The following MYO16 variants were observed in gnomAD, a reference collection of about 807,000 sequenced individuals.
The protein encoded by MYO16 is unconventional myosin-XVI.
MYO16 carries 94 observed loss-of-function variants against 205.3 expected under a neutral mutation model. The ratio of observed to expected loss-of-function variants is 0.46; its 90% CI spans 0.39 to 0.54. The LOEUF is 0.54. Ranked by LOEUF, MYO16 falls within the 20% of genes least tolerant of loss-of-function variation. MYO16 has a pLI of 0.00. For missense variants in MYO16, 2,315 were observed against 2,387.5 expected (o/e 0.97, Z 0.63); for synonymous variants, 988 against 954.0 (o/e 1.04, Z -0.66).
rs9559402 is a variant in MYO16 at position 108,757,748 on chromosome 13, C to G, written c.508-27887C>G. 4.1e-3 allele frequency among the ~76,000 whole-genome samples: 627 copies of G among 152,008 alleles called. 2 individuals are homozygous for G. The highest frequency in any genetic ancestry group is 6.8e-3 in the Non-Finnish European group (464 of 67,996). On this transcript the variant is annotated intron_variant, in intron 4 of 34. Transcript: ENST00000457511. ...TGCGGTGTTTGGTTTTTTGTCCTTG[C>G]GACAGTTTGCTGAGCTAGTTTTAAA...
intron 11 of MYO16, among the ~76,000 whole-genome samples, chr13:108,856,476 T>A (rs767444974): frequency 2.0e-5 from 3 of 152,272 alleles, no homozygotes. Flanking sequence ...CCTGCCACTG[T>A]AAATACACTT....
At chr13:108,571,291 G>A in the MYO16 span, among the ~76,000 whole-genome samples, 1 of 149,698 alleles carries the variant, frequency 6.7e-6, no homozygotes, top group Non-Finnish European at 1.5e-5. Flanking sequence ...CTGAGGATTA[G>A]CCCTGGGATG....
chr13:108,498,295 G>A, the MYO16 span, among the ~76,000 whole-genome samples: 1 of 152,236 alleles, frequency 6.6e-6, no homozygotes, highest in South Asian at 2.1e-4. Context: ...AAGTGAAGGC[G>A]AAGAGGTCCA....
At chr13:108,636,184 G>T in intron 1 of MYO16, among the ~76,000 whole-genome samples, 1 of 152,000 alleles carries the variant, frequency 6.6e-6, no homozygotes, top group East Asian at 1.9e-4. Context: ...TTAGTTTAAG[G>T]TTACACTGTA....
chr13:109,116,401 A>C (rs1015250258), intron 28 of MYO16, among the ~76,000 whole-genome samples: 2 of 151,952 alleles, frequency 1.3e-5, no homozygotes, highest in Non-Finnish European at 2.9e-5. Context: ...ACCATTGCGC[A>C]TGTCTGCCTT....
At chr13:109,172,583 T>C (rs1032087322) in intron 33 of MYO16, among the ~76,000 whole-genome samples, 2 of 152,220 alleles carry the variant, frequency 1.3e-5, no homozygotes, top group Non-Finnish European at 2.9e-5. Context: ...AGCTCACCTC[T>C]GATGCTTATT....
At chr13:108,889,188 A>G (rs779088500) in intron 14 of MYO16, among the ~76,000 whole-genome samples, 19 of 152,332 alleles carry the variant, frequency 1.2e-4, no homozygotes, top group East Asian at 3.9e-4. Context: ...AGAATTGGCA[A>G]TAGTTATCCT....
intron 20 of MYO16, among the ~76,000 whole-genome samples, chr13:108,972,330 C>CTATATATA (rs1355313392): frequency 1.5e-4 from 1 of 6,592 alleles, no homozygotes; most frequent in African/African-American, 3.0e-4. Flanking sequence ...ATATAGCCAT[C>CTATATATA]TATATATATA....
In MYO16 at chr13:108,883,323, C is replaced by T. The variant is rs1037576072; in HGVS notation, c.1553+137C>T. 1.1e-5 allele frequency: 12 copies of T among 1,103,160 alleles called. No homozygotes were observed. The African/African-American group carries it at 1.2e-4, about 11-fold the overall frequency. The allele number at this position is 1,103,160 out of a possible 1,614,324, so 68.3% of individuals were successfully genotyped here. Reference sequence around the variant, plus strand: ...GTCCAGTATATCTTTGCAATAAGTACATTTGACTCGTTACAAAGGAGAAAC... The same window carrying T: ...GTCCAGTATATCTTTGCAATAAGTATATTTGACTCGTTACAAAGGAGAAAC... On this transcript the variant is annotated intron_variant, in intron 13 of 34. Coordinates refer to ENST00000457511, the MANE Select transcript of MYO16 (RefSeq NM_001198950.3).
intron 1 of MYO16, among the ~76,000 whole-genome samples, chr13:108,606,874 G>A (rs1411301374): frequency 2.0e-5 from 3 of 152,240 alleles, no homozygotes; most frequent in Non-Finnish European, 4.4e-5. Context: ...ACCCTGCAAA[G>A]CTACAGGGGT....
chr13:108,534,427 G>T, the MYO16 span, among the ~76,000 whole-genome samples: 1 of 152,026 alleles, frequency 6.6e-6, no homozygotes, highest in South Asian at 2.1e-4. Context: ...TTACTTGATT[G>T]TTCTTAGGTT....
intron 27 of MYO16, among the ~76,000 whole-genome samples, chr13:109,072,408 T>C (rs992466261): frequency 7.2e-5 from 11 of 152,170 alleles, no homozygotes; most frequent in Non-Finnish European, 1.5e-4. Flanking sequence ...CCATTTTACA[T>C]TGTGTCCCCT....
chr13:109,023,079 T>C (rs1328001035), intron 23 of MYO16, among the ~76,000 whole-genome samples: 1 of 132,918 alleles, frequency 7.5e-6, no homozygotes, highest in African/African-American at 2.8e-5. Flanking sequence ...ATATATTATA[T>C]ATACACATGT....
At chr13:108,743,492 A>G (rs1370086423) in intron 4 of MYO16, among the ~76,000 whole-genome samples, 1 of 152,206 alleles carries the variant, frequency 6.6e-6, no homozygotes, top group Admixed American at 6.5e-5. Context: ...TCGCTGCTTG[A>G]AATAAGAAGT....
chr13:108,925,575 C>G (rs1159706775), intron 16 of MYO16, among the ~76,000 whole-genome samples: 2 of 152,114 alleles, frequency 1.3e-5, no homozygotes, highest in African/African-American at 4.8e-5. Context: ...GTTCCCCCAC[C>G]AAGTCTTCCC....
chr13:108,843,317 G>A (rs1320667382), intron 9 of MYO16, among the ~76,000 whole-genome samples: 1 of 152,026 alleles, frequency 6.6e-6, no homozygotes, highest in African/African-American at 2.4e-5. Flanking sequence ...AGTGTGAGAA[G>A]CCACTAACAC....
chr13:109,176,577 T>TAAAAA lies in MYO16; in HGVS notation c.5324-2945_5324-2941dup, dbSNP rs36054088. Among the ~76,000 whole-genome samples the TAAAAA allele has an allele frequency of 7.1e-4, 32 of 44,950 alleles. 3 individuals are homozygous for TAAAAA. The South Asian group carries it at 8.3e-3, about 12-fold the overall frequency. 29.5% of individuals were successfully genotyped at this position (44,950 alleles called of 152,430 possible). On this transcript the variant is annotated intron_variant, in intron 33 of 34. Coordinates refer to ENST00000457511, the MANE Select transcript of MYO16 (RefSeq NM_001198950.3). ...GCAGCTAAATAAAATATTGTGCTGG[T>TAAAAA]AAAAAAAAAAAAAAAAAAAAAAAAG...
intron 28 of MYO16, among the ~76,000 whole-genome samples, chr13:109,119,877 A>G (rs1875903782): frequency 6.6e-6 from 1 of 152,238 alleles, no homozygotes; most frequent in African/African-American, 2.4e-5. Context: ...TTGTACAAAC[A>G]TTTGATTTAT....
At chr13:108,874,895 A>G (rs1418724229) in intron 12 of MYO16, among the ~76,000 whole-genome samples, 1 of 152,142 alleles carries the variant, frequency 6.6e-6, no homozygotes, top group Non-Finnish European at 1.5e-5. Context: ...AGCCTCTGGC[A>G]TCTGGGAGGT....
Sources: allele counts gnomAD v4.1 joint callset (sites outside exome capture counted in the v4.1 genomes callset), GRCh38; gene constraint gnomAD v4.1.1; transcripts MANE v1.5; gene names NCBI Gene and HGNC (gene_info 2026-07-23, HGNC 2026-07-21).